Variants in FHIT observed in about 807,000 individuals in gnomAD.
FHIT encodes bis(5'-adenosyl)-triphosphatase.
A neutral mutation model predicts 17.9 loss-of-function variants in FHIT; 19 were observed. The observed-to-expected ratio is 1.06, with a 90% CI of 0.74 to 1.56. The LOEUF is 1.56. FHIT is among the 40% of genes most tolerant of loss of function. The pLI is 0.00. For missense variants in FHIT, 248 were observed against 189.2 expected (o/e 1.31, Z -1.82); for synonymous variants, 81 against 69.7 (o/e 1.16, Z -0.81).
intron 5 of FHIT, among the ~76,000 whole-genome samples, chr3:60,021,857 C>T (rs2106736971): frequency 6.6e-6 from 1 of 152,240 alleles, no homozygotes; most frequent in East Asian, 1.9e-4. Flanking sequence ...ATAGCAGAGC[C>T]CTGCTTCCAC....
intron 5 of FHIT, among the ~76,000 whole-genome samples, chr3:60,087,194 T>G (rs75580099): frequency 0.018 from 2,760 of 152,208 alleles, 79 homozygotes; most frequent in African/African-American, 0.063. Context: ...GGGAGCAACA[T>G]CCAGAGGCAG....
intron 4 of FHIT, among the ~76,000 whole-genome samples, chr3:60,613,154 C>T (rs2038837626): frequency 6.6e-6 from 1 of 152,110 alleles, no homozygotes; most frequent in Non-Finnish European, 1.5e-5. Context: ...CTTCCTCTGC[C>T]CCCTCCTTCC....
rs184152654 is a variant in FHIT, at chr3:59,838,550, T to C, written c.348+83796A>G. ...AAGGCCTTCCTGATCCCTCCATCTC[T>C]TACTCTGGCATGGGACACTAGCATC... is the stretch of plus-strand genomic sequence containing the variant. On this transcript the variant is annotated intron_variant, in intron 8 of 9. Coordinates refer to ENST00000492590, the MANE Select transcript of FHIT (RefSeq NM_002012.4). Among the ~76,000 whole-genome samples the C allele has an allele frequency of 5.9e-5, 9 of 152,274 alleles. No homozygotes were observed. The East Asian group carries it at 1.7e-3, about 29-fold the overall frequency.
rs1356373681 is a variant in FHIT at position 60,418,372 on chromosome 3, GTGTGTATATATATATATA to G, written c.103+118470_103+118487del. Among the ~76,000 whole-genome samples the G allele has an allele frequency of 4.5e-3, 24 of 5,324 alleles. 2 individuals are homozygous for G. The highest frequency in any genetic ancestry group is 4.8e-3 in the African/African-American group (23 of 4,830). The allele number at this position is 5,324 out of a possible 152,430, so 3.5% of individuals were successfully genotyped here. On this transcript the variant is annotated intron_variant, in intron 5 of 9. Transcript: ENST00000492590. ...CAAACCTATATATATGTATCTGAAT[GTGTGTATATATATATATA>G]TATATATATATATATATATATATAT...
At chr3:60,918,599 A>G (rs1707126544) in intron 3 of FHIT, among the ~76,000 whole-genome samples, 1 of 152,160 alleles carries the variant, frequency 6.6e-6, no homozygotes, top group Non-Finnish European at 1.5e-5. Flanking sequence ...GTTCAAAAAG[A>G]AGGCTGGAGA....
chr3:61,176,405 A>C lies in FHIT; in HGVS notation c.-164+24212T>G, dbSNP rs538480382. On this transcript the variant is annotated intron_variant, in intron 2 of 9. Coordinates refer to ENST00000492590, the MANE Select transcript of FHIT (RefSeq NM_002012.4). The stretch of plus-strand genomic sequence containing the variant: ...GACACACAAAAAATTAAACACCTCA[A>C]GAAATACAGCTTTCTGGAAAACATC... Among the ~76,000 whole-genome samples, 7 of 152,374 alleles carry C rather than the reference A, an allele frequency of 4.6e-5. No individual in the cohort carries two copies. The South Asian group carries it at 1.4e-3, about 32-fold the overall frequency.
intron 5 of FHIT, among the ~76,000 whole-genome samples, chr3:60,524,976 T>C (rs975056197): frequency 1.3e-5 from 2 of 152,072 alleles, no homozygotes; most frequent in Non-Finnish European, 2.9e-5. Flanking sequence ...GGAAAAATGG[T>C]AATAGATGAA....
At chr3:60,944,394 C>A (rs1028152478) in intron 3 of FHIT, among the ~76,000 whole-genome samples, 1 of 152,032 alleles carries the variant, frequency 6.6e-6, no homozygotes, top group Non-Finnish European at 1.5e-5. Context: ...CAAACAATCA[C>A]TTTAAATGAC....
chr3:60,345,085 C>A (rs531120711), intron 5 of FHIT, among the ~76,000 whole-genome samples: 1 of 152,138 alleles, frequency 6.6e-6, no homozygotes. Flanking sequence ...ACATCCTAAT[C>A]CCTTTTCCCC....
chr3:60,655,674 G>A (rs782327262), intron 4 of FHIT, among the ~76,000 whole-genome samples: 4 of 151,936 alleles, frequency 2.6e-5, no homozygotes, highest in African/African-American at 4.8e-5. Context: ...TATTCTCCTC[G>A]AACTCCCCAC....
chr3:60,262,111 T>C (rs904118814), intron 5 of FHIT, among the ~76,000 whole-genome samples: 2 of 152,104 alleles, frequency 1.3e-5, no homozygotes, highest in Non-Finnish European at 2.9e-5. Flanking sequence ...TTGTATGTTT[T>C]TCTCCGGTTA....
chr3:59,812,732 T>G (rs72888517), intron 8 of FHIT, among the ~76,000 whole-genome samples: 5,512 of 152,278 alleles, frequency 0.036, 344 homozygotes, highest in African/African-American at 0.13. Context: ...CTCTAAGCAT[T>G]AATTAAATAA....
chr3:60,623,362 A>G (rs1231004060), intron 4 of FHIT, among the ~76,000 whole-genome samples: 1 of 152,204 alleles, frequency 6.6e-6, no homozygotes, highest in East Asian at 1.9e-4. Context: ...ATGTAAGCCA[A>G]TAGTCCCACT....
intron 5 of FHIT, among the ~76,000 whole-genome samples, chr3:60,531,727 A>G (rs1007623965): frequency 3.3e-5 from 5 of 152,244 alleles, no homozygotes; most frequent in Admixed American, 3.3e-4. Flanking sequence ...TATGTATAGC[A>G]TCTATTCTGT....
At chr3:60,671,789 A>AG (rs1195938096) in intron 4 of FHIT, among the ~76,000 whole-genome samples, 35 of 151,178 alleles carry the variant, frequency 2.3e-4, no homozygotes, top group African/African-American at 8.0e-4. Context: ...AAAAAAAAAA[A>AG]AAACACAAAA....
chr3:59,824,367 C>T (rs1279914969), intron 8 of FHIT, among the ~76,000 whole-genome samples: 1 of 152,224 alleles, frequency 6.6e-6, no homozygotes, highest in African/African-American at 2.4e-5. Flanking sequence ...ATCTTACATG[C>T]ACTGGCTTGG....
intron 5 of FHIT, among the ~76,000 whole-genome samples, chr3:60,468,947 T>TA (rs149387164): frequency 0.078 from 11,907 of 152,172 alleles, 568 homozygotes; most frequent in African/African-American, 0.13. Context: ...TATACTATTG[T>TA]AGGTTAGAAG....
intron 4 of FHIT, among the ~76,000 whole-genome samples, chr3:60,655,906 T>G (rs782004682): frequency 6.6e-6 from 1 of 152,204 alleles, no homozygotes; most frequent in African/African-American, 2.4e-5. Context: ...AAGACACTAG[T>G]GACTCCACGT....
At chr3:60,960,471 G>A (rs1049681192) in intron 3 of FHIT, among the ~76,000 whole-genome samples, 13 of 152,000 alleles carry the variant, frequency 8.6e-5, no homozygotes, top group Non-Finnish European at 1.2e-4. Context: ...TGTGCACAAC[G>A]TGCAGGTTTG....
Sources: gnomAD v4.1 joint callset for allele counts (sites outside exome capture counted in the v4.1 genomes callset) on GRCh38, gnomAD v4.1.1 for gene constraint, MANE v1.5 for transcripts, NCBI Gene and HGNC (gene_info 2026-07-23, HGNC 2026-07-21) for gene names.